The following TGM2 variants were observed in gnomAD, a reference collection of about 807,000 sequenced individuals.
TGM2 encodes protein-glutamine gamma-glutamyltransferase 2.
A neutral mutation model predicts 75.6 loss-of-function variants in TGM2; 53 were observed. The observed-to-expected ratio is 0.70, with a 90% CI of 0.56 to 0.88. The LOEUF (loss-of-function observed/expected upper bound fraction) is 0.88. Among genes scored for constraint, TGM2 ranks in the 40% least tolerant of loss-of-function variants. The pLI, the probability that TGM2 is intolerant of heterozygous loss-of-function variation, is 0.00. For missense variants in TGM2, 842 were observed against 928.5 expected (o/e 0.91, Z 1.21); for synonymous variants, 374 against 381.1 (o/e 0.98, Z 0.22).
At chr20:38,135,818 G>A (rs2074893664) in intron 10 of TGM2, among the ~76,000 whole-genome samples, 1 of 152,134 alleles carries the variant, frequency 6.6e-6, no homozygotes. Context: ...TCAGGGAGGA[G>A]TGAGGGCCCC....
chr20:38,158,700 C>A (rs1358922839), intron 2 of TGM2, among the ~76,000 whole-genome samples: 1 of 152,196 alleles, frequency 6.6e-6, no homozygotes. Context: ...GGTGAAAACA[C>A]ACAACATCTA....
rs938675229 is a variant in TGM2 at position 38,131,204 on chromosome 20, C to A, written c.1802G>T (p.Arg601Leu). Residue 601 changes from arginine to leucine, a missense_variant, in exon 12 of 13, where the codon CGC becomes CTC. Arg to Leu is a moderately radical substitution (Grantham distance 102). Transcript: ENST00000361475. ...CAGGGACACCTCAGCCACCAGCTTG[C>A]GTTTCTGCTTGGGCTCCCCAAGGAT... ...IRILGEPKQK[R>L]KLVAEVSLQN... The A allele has an allele frequency of 1.2e-6, 2 of 1,613,844 alleles. No individual in the cohort carries two copies. The highest frequency in any genetic ancestry group is 1.7e-5 in the Admixed American group (1 of 60,004).
chr20:38,159,977 G>C (rs1310141369), intron 2 of TGM2, among the ~76,000 whole-genome samples: 1 of 152,218 alleles, frequency 6.6e-6, no homozygotes, highest in Non-Finnish European at 1.5e-5. Flanking sequence ...ACTGAGACTG[G>C]AGGGTCAGAG....
At chr20:38,166,755 A>T (rs558544470), upstream of TGM2, among the ~76,000 whole-genome samples, 1 of 152,358 alleles carries the variant, frequency 6.6e-6, no homozygotes, top group South Asian at 2.1e-4. Flanking sequence ...TCCCTGGGTC[A>T]AACGGGCTCT....
chr20:38,167,682 G>C (rs2075321951), upstream of TGM2, among the ~76,000 whole-genome samples: 1 of 152,128 alleles, frequency 6.6e-6, no homozygotes, highest in Non-Finnish European at 1.5e-5. Context: ...TGTCCAGCAT[G>C]GTGCCTGGCT....
intron 2 of TGM2, among the ~76,000 whole-genome samples, chr20:38,157,707 G>A (rs2047523909): frequency 6.6e-6 from 1 of 152,226 alleles, no homozygotes; most frequent in South Asian, 2.1e-4. Context: ...CTGGTGTATA[G>A]TAAGTGCTCA....
rs144265798 is a variant in TGM2, at chr20:38,143,384, C to T, written c.860-1185G>A. 4.4e-3 allele frequency among the ~76,000 whole-genome samples: 671 copies of T among 152,308 alleles called. 4 individuals are homozygous for T. Among genetic ancestry groups the T allele is most frequent in the African/African-American group, 0.015 (630 of 41,578 alleles). On this transcript the variant is annotated intron_variant, in intron 6 of 12. Transcript: ENST00000361475. ...TCATCATTCCCAATGTACAAGAACA[C>T]GGATGCACGTGGCCCTATAAATAGG... is the stretch of plus-strand genomic sequence containing the variant.
In TGM2 at chr20:38,141,331, C is replaced by T. The variant is rs1485217659; in HGVS notation, c.1050G>A (p.Gly350=). The change falls in exon 8 of 13, where the codon GGG becomes GGA. Residue 350 remains glycine, a synonymous_variant. Coordinates refer to ENST00000361475, the MANE Select transcript of TGM2 (RefSeq NM_004613.4). The part of the protein sequence containing the change: ...SWMTRPDLQP[G]YEGWQALDPT... The stretch of plus-strand genomic sequence containing the variant: ...GGTCCAGGGCCTGCCAGCCCTCGTA[C>T]CCCGGCTGCAGGTCCGGCCTGGTCA... 1 of 1,592,256 alleles carries T rather than the reference C, an allele frequency of 6.3e-7. No individual in the cohort carries two copies. The highest frequency in any genetic ancestry group is 1.1e-5 in the South Asian group (1 of 87,170).
chr20:38,148,195 G>T, intron 4 of TGM2, 106 bp from the exon 5 acceptor site: 2 of 1,472,824 alleles, frequency 1.4e-6, no homozygotes, highest in Non-Finnish European at 1.9e-6. Flanking sequence ...GTCCCACACA[G>T]CAGACTGGGA....
chr20:38,155,704 G>T, intron 3 of TGM2, 143 bp downstream of exon 3: 2 of 1,316,780 alleles, frequency 1.5e-6, no homozygotes, highest in Non-Finnish European at 2.0e-6. Context: ...AGGGTTTTGT[G>T]AGGCTGGAGC....
At position 38,130,430 on chromosome 20, in the gene TGM2, G is replaced by A. The variant is rs111388336; in HGVS notation, c.1914-61C>T. 3.8e-4 allele frequency: 587 copies of A among 1,531,416 alleles called. No individual in the cohort carries two copies. The African/African-American group carries it at 7.1e-3, about 18-fold the overall frequency. 94.9% of individuals were successfully genotyped at this position (1,531,416 alleles called of 1,614,324 possible). On this transcript the variant is annotated intron_variant, in intron 12 of 12. Coordinates refer to ENST00000361475, the MANE Select transcript of TGM2 (RefSeq NM_004613.4). ...CAAGGCCTGGCTCCCGCATGCTGGG[G>A]TCCAGCCAGGAAGTCACGTGACCTC...
upstream of TGM2, among the ~76,000 whole-genome samples, chr20:38,168,176 G>T (rs575438713): frequency 5.9e-5 from 9 of 152,304 alleles, no homozygotes; most frequent in African/African-American, 1.9e-4. Context: ...CCTGAGTGAC[G>T]CATGGCGTTG....
At chr20:38,162,888 T>G (rs1010784362) in intron 1 of TGM2, among the ~76,000 whole-genome samples, 1 of 152,222 alleles carries the variant, frequency 6.6e-6, no homozygotes, top group Non-Finnish European at 1.5e-5. Context: ...TTCAATATTC[T>G]CCAAAACAAA....
intron 1 of TGM2, 39 bp from the exon 2 acceptor site, chr20:38,161,638 T>A: frequency 6.2e-7 from 1 of 1,612,990 alleles, no homozygotes; most frequent in African/African-American, 1.3e-5. Flanking sequence ...CTCGGGGGCA[T>A]CCTTCAGACC....
At chr20:38,154,492 C>A (rs554152667) in intron 3 of TGM2, among the ~76,000 whole-genome samples, 50 of 152,296 alleles carry the variant, frequency 3.3e-4, no homozygotes, top group African/African-American at 1.2e-3. Flanking sequence ...GCAACCCCTG[C>A]CTCCTCCCCC....
Position 38,127,840 on chromosome 20 carries a change from A to C in TGM2, c.*2379T>G, listed in dbSNP as rs539842586. 1 of 152,304 alleles carries C rather than the reference A, an allele frequency of 6.6e-6. No individual in the cohort carries two copies. The highest frequency in any genetic ancestry group is 2.1e-4 in the South Asian group (1 of 4,830). The allele number at this position is 152,304 out of a possible 1,614,324, so 9.4% of individuals were successfully genotyped here. The stretch of plus-strand genomic sequence containing the variant: ...GTCACTAGAAAATTCTAAATTACAT[A>C]TGTGGCTTGCATTTGTGGCTCATGT... On this transcript the variant is annotated 3_prime_UTR_variant, in exon 13 of 13. Transcript: ENST00000361475.
At chr20:38,142,851 G>A (rs1369661337) in intron 6 of TGM2, among the ~76,000 whole-genome samples, 1 of 152,180 alleles carries the variant, frequency 6.6e-6, no homozygotes, top group Non-Finnish European at 1.5e-5. Flanking sequence ...CTCCTCGCAC[G>A]CTGTGCTCCT....
Position 38,161,593 on chromosome 20 carries a change from A to G in TGM2, c.17T>C (p.Val6Ala), listed in dbSNP as rs557973887. The G allele has an allele frequency of 2.5e-6, 4 of 1,614,064 alleles. No individual in the cohort carries two copies. In the South Asian group the frequency reaches 3.3e-5, roughly 13 times the overall value. Residue 6 changes from valine to alanine, a missense_variant, in exon 2 of 13, where the codon GTC becomes GCC. Coordinates refer to ENST00000361475, the MANE Select transcript of TGM2 (RefSeq NM_004613.4). Reference sequence around the variant, plus strand: ...CAGCTCCAGATCACACCTCTCTAAGACCAGCTCTATGGAAACAGAAGGAGA... The same window carrying G: ...CAGCTCCAGATCACACCTCTCTAAGGCCAGCTCTATGGAAACAGAAGGAGA... The part of the protein sequence containing the change: MAEEL[V>A]LERCDLELET...
At chr20:38,132,258 G>A in intron 11 of TGM2, 82 bp downstream of exon 11, 1 of 1,509,690 alleles carries the variant, frequency 6.6e-7, no homozygotes, top group African/African-American at 1.4e-5. Context: ...GGATGCAGGT[G>A]TGTGGGGTGG....
Sources: gnomAD v4.1 joint callset for allele counts (sites outside exome capture counted in the v4.1 genomes callset) on GRCh38, gnomAD v4.1.1 for gene constraint, MANE v1.5 for transcripts, NCBI Gene and HGNC (gene_info 2026-07-23, HGNC 2026-07-21) for gene names.